Variants in EPHA2 observed in about 807,000 individuals in gnomAD.
The protein encoded by EPHA2 is ephrin type-A receptor 2.
Under a neutral mutation model 104.9 loss-of-function variants are expected in EPHA2, and 54 were observed. The observed-to-expected ratio is 0.51, with a 90% CI of 0.41 to 0.65. EPHA2 has a LOEUF of 0.65. Ranked by LOEUF, EPHA2 falls within the 30% of genes least tolerant of loss-of-function variation. The pLI is 0.00. For missense variants in EPHA2, 1,117 were observed against 1,369.5 expected, an observed-to-expected ratio of 0.82 and a Z score of 2.91; for synonymous variants, 560 against 559.1, an observed-to-expected ratio of 1.00 and a Z score of -0.02.
Position 16,135,024 on chromosome 1 carries a change from C to G in EPHA2, c.1582+12G>C, listed in dbSNP as rs370265725. 32 of 1,611,022 alleles carry G rather than the reference C, an allele frequency of 2.0e-5. No individual in the cohort carries two copies. In the African/African-American group the frequency reaches 4.0e-4, roughly 20 times the overall value. ...CCCTGGCCTGGTCCATGCCCAGGGTCCCCCAACTCACACAGCGTCTGGAAT... is the reference window on the plus strand; with the variant it reads ...CCCTGGCCTGGTCCATGCCCAGGGTGCCCCAACTCACACAGCGTCTGGAAT... On this transcript the variant is annotated intron_variant, in intron 7 of 16. Transcript: ENST00000358432. This position sits in a 1 kb window ranked among gnomAD's most constrained non-coding sequence, Gnocchi z 4.3.
In EPHA2 at chr1:16,130,120, A is replaced by G. The variant is rs1416353894; in HGVS notation, c.2669+106T>C. 4.0e-6 allele frequency: 6 copies of G among 1,490,566 alleles called. No homozygotes were observed. The East Asian group carries it at 1.1e-4, about 28-fold the overall frequency. The allele number at this position is 1,490,566 out of a possible 1,614,324, so 92.3% of individuals were successfully genotyped here. On this transcript the variant is annotated intron_variant, in intron 15 of 16. Transcript: ENST00000358432. This position sits in a 1 kb window ranked among gnomAD's most constrained non-coding sequence, Gnocchi z 4.5. ...GTCCACACATAACCTCTTAGCCCCC[A>G]GCACCCCCCCTACCAGCTTCACCTG...
chr1:16,149,533 T>G (rs2024998572), intron 2 of EPHA2, among the ~76,000 whole-genome samples: 1 of 152,112 alleles, frequency 6.6e-6, no homozygotes. Flanking sequence ...AACGCAGGAG[T>G]GGCATTAAGT....
chr1:16,152,264 C>A (rs568834739), intron 1 of EPHA2, among the ~76,000 whole-genome samples: 1 of 152,270 alleles, frequency 6.6e-6, no homozygotes, highest in South Asian at 2.1e-4. Context: ...GCAGGGATGG[C>A]CTGGTTTGTG....
chr1:16,131,622 G>T lies in EPHA2; in HGVS notation c.2475+99C>A. 6.6e-7 allele frequency: 1 copy of T among 1,519,872 alleles called. No homozygotes were observed. Among genetic ancestry groups the T allele is most frequent in the Non-Finnish European group, 9.0e-7 (1 of 1,106,386 alleles). The allele number at this position is 1,519,872 out of a possible 1,614,324, so 94.1% of individuals were successfully genotyped here. On this transcript the variant is annotated intron_variant, in intron 14 of 16. Coordinates refer to ENST00000358432, the MANE Select transcript of EPHA2 (RefSeq NM_004431.5). This position sits in a 1 kb window ranked among gnomAD's most constrained non-coding sequence, Gnocchi z 5.2. ...ACATTTATGGAGCAAGCCTAAGAAGGTTCATCTAAACTGTCCTCTGCCCAG... is the reference window on the plus strand; with the variant it reads ...ACATTTATGGAGCAAGCCTAAGAAGTTTCATCTAAACTGTCCTCTGCCCAG...
chr1:16,140,952 T>G (rs1285180028), intron 3 of EPHA2, among the ~76,000 whole-genome samples: 1 of 151,854 alleles, frequency 6.6e-6, no homozygotes, highest in African/African-American at 2.4e-5. Context: ...GCTGGTCTCT[T>G]GACCTCCTGG....
At chr1:16,126,133 G>A (rs2024461610) in intron 16 of EPHA2, among the ~76,000 whole-genome samples, 1 of 152,136 alleles carries the variant, frequency 6.6e-6, no homozygotes, top group Non-Finnish European at 1.5e-5. Flanking sequence ...AGTACCAGAT[G>A]GACAGATGTG....
In EPHA2 at chr1:16,148,407, C is replaced by G; in HGVS notation, c.794G>C (p.Gly265Ala). Residue 265 changes from glycine to alanine, a missense_variant, in exon 3 of 17, where the codon GGC becomes GCC. Transcript: ENST00000358432. The surrounding 1 kb of genome is among the most constrained non-coding windows in gnomAD (Gnocchi z 4.9). ...VPIGQCLCQA[G>A]YEKVEDACQA... ...GCAGGCATCCTCCACCTTCTCGTAG[C>G]CTGCCTGGCACAGGCACTGCCCAAT... The G allele has an allele frequency of 1.2e-6, 2 of 1,613,688 alleles. No homozygotes were observed. The highest frequency in any genetic ancestry group is 1.1e-5 in the South Asian group (1 of 91,092).
Position 16,135,282 on chromosome 1 carries a change from G to A in EPHA2, c.1429-93C>T. On this transcript the variant is annotated intron_variant, in intron 6 of 16. Transcript: ENST00000358432. This position sits in a 1 kb window ranked among gnomAD's most constrained non-coding sequence, Gnocchi z 4.3. ...GGAGACCACCCCAAGCTAGCAAGGT[G>A]GCTTGCCTTTGTTAGCAAACTTGAG... 1.9e-6 allele frequency: 3 copies of A among 1,551,370 alleles called. No individual in the cohort carries two copies. The highest frequency in any genetic ancestry group is 1.8e-6 in the Non-Finnish European group (2 of 1,133,088).
At chr1:16,136,666 GAAGAAAAGAAGA>G (rs2024694962) in intron 5 of EPHA2, among the ~76,000 whole-genome samples, 1 of 95,330 alleles carries the variant, frequency 1.0e-5, no homozygotes, top group Non-Finnish European at 1.8e-5. Flanking sequence ...AAGAAGAAAA[GAAGAAAAGAAGA>G]AGAAAGAAGA....
At chr1:16,136,901 C>T (rs1207199017) in intron 5 of EPHA2, among the ~76,000 whole-genome samples, 7 of 151,070 alleles carry the variant, frequency 4.6e-5, no homozygotes, top group African/African-American at 1.5e-4. Context: ...TGGGTTCAAG[C>T]GATTCTCCTG....
In EPHA2 at chr1:16,129,415, G is replaced by A. The variant is rs747151905; in HGVS notation, c.2825+19C>T. 3.4e-5 allele frequency: 54 copies of A among 1,610,798 alleles called. No homozygotes were observed. Among genetic ancestry groups the A allele is most frequent in the Middle Eastern group, 3.3e-4 (2 of 6,068 alleles). ...TGGGAGGCGGGAGGCGAGGGGGGACGGAAAGGGGCCTGACTTACTCGTTGG... is the reference window on the plus strand; with the variant it reads ...TGGGAGGCGGGAGGCGAGGGGGGACAGAAAGGGGCCTGACTTACTCGTTGG... On this transcript the variant is annotated intron_variant, in intron 16 of 16. Transcript: ENST00000358432.
In EPHA2 at chr1:16,129,545, G is replaced by T. The variant is rs952117198; in HGVS notation, c.2714C>A (p.Pro905His). 7 of 1,613,150 alleles carry T rather than the reference G, an allele frequency of 4.3e-6. No homozygotes were observed. The highest frequency in any genetic ancestry group is 5.9e-6 in the Non-Finnish European group (7 of 1,179,942). The change falls in exon 16 of 17, where the codon CCC becomes CAC. Residue 905 changes from proline to histidine, a missense_variant. This residue lies in a region of EPHA2 where 340 missense variants were observed against 480.5 expected (regional missense o/e 0.71). Coordinates refer to ENST00000358432, the MANE Select transcript of EPHA2 (RefSeq NM_004431.5). ...LPSTSGSEGV[P>H]FRTVSEWLES... is the part of the protein sequence containing the mutation. ...CAGCCACTCGGACACCGTGCGGAAG[G>T]GCACCCCCTCCGAGCCGCTCGTGCT...
In EPHA2 at chr1:16,124,711, T is replaced by C. The variant is rs896948419; in HGVS notation, c.*504A>G. 5.0e-5 allele frequency: 8 copies of C among 159,488 alleles called. No homozygotes were observed. Among genetic ancestry groups the C allele is most frequent in the African/African-American group, 1.9e-4 (8 of 41,638 alleles). The allele number at this position is 159,488 out of a possible 1,614,324, so 9.9% of individuals were successfully genotyped here. A position where few individuals can be genotyped will look rare whatever the true frequency, so the allele number is the denominator to read the frequency against. ...AAGCAAGGGTTTGGCCAGTCAGGGA[T>C]GAGGATGGGGCCCGAGGGTCTAAAG... On this transcript the variant is annotated 3_prime_UTR_variant, in exon 17 of 17. Coordinates refer to ENST00000358432, the MANE Select transcript of EPHA2 (RefSeq NM_004431.5).
At chr1:16,136,476 G>A (rs1234256077) in intron 5 of EPHA2, among the ~76,000 whole-genome samples, 1 of 150,968 alleles carries the variant, frequency 6.6e-6, no homozygotes, top group African/African-American at 2.4e-5. Flanking sequence ...AAAATTAGCT[G>A]GGCATGGTGG....
Position 16,134,062 on chromosome 1 carries a change from C to G in EPHA2, c.1683-147G>C, listed in dbSNP as rs2024633236. 1 of 796,224 alleles carries G rather than the reference C, an allele frequency of 1.3e-6. No individual in the cohort carries two copies. Among genetic ancestry groups the G allele is most frequent in the Non-Finnish European group, 2.0e-6 (1 of 510,360 alleles). 49.3% of individuals were successfully genotyped at this position (796,224 alleles called of 1,614,324 possible). A position where few individuals can be genotyped will look rare whatever the true frequency, so the allele number is the denominator to read the frequency against. ...CCCCGCTTTTGCTGCCCAAGCTCCA[C>G]TCTCAGGGCCGAGGGTGCGGAGAAG... On this transcript the variant is annotated intron_variant, in intron 8 of 16. Transcript: ENST00000358432. The surrounding 1 kb of genome is among the most constrained non-coding windows in gnomAD (Gnocchi z 4.5).
At chr1:16,126,309 C>G (rs2024465980) in intron 16 of EPHA2, among the ~76,000 whole-genome samples, 1 of 152,212 alleles carries the variant, frequency 6.6e-6, no homozygotes, top group African/African-American at 2.4e-5. Context: ...CCGTCCTCAC[C>G]CACTAGCCCA....
Position 16,125,373 on chromosome 1 carries a change from GCCGGGCT to G in EPHA2, c.2826-60_2826-54del. On this transcript the variant is annotated intron_variant, in intron 16 of 16. Coordinates refer to ENST00000358432, the MANE Select transcript of EPHA2 (RefSeq NM_004431.5). This position sits in a 1 kb window ranked among gnomAD's most constrained non-coding sequence, Gnocchi z 4.9. ...GTTAGGGGCTGGAGCAGGGGAGGGGGCCGGGCTGGGTGGGGACAGGACTCGGTGGGCG... is the reference window on the plus strand; with the variant it reads ...GTTAGGGGCTGGAGCAGGGGAGGGGGGGGTGGGGACAGGACTCGGTGGGCG... 24 of 983,414 alleles carry G rather than the reference GCCGGGCT, an allele frequency of 2.4e-5. No homozygotes were observed. Among genetic ancestry groups the G allele is most frequent in the Admixed American group, 7.1e-5 (3 of 42,388 alleles). The allele number at this position is 983,414 out of a possible 1,614,324, so 60.9% of individuals were successfully genotyped here.
At position 16,156,042 on chromosome 1, in the gene EPHA2, T is replaced by TCTGCCCCTC. The variant is rs1164313549; in HGVS notation, c.-119_-111dup. 1.9e-5 allele frequency: 17 copies of TCTGCCCCTC among 908,724 alleles called. No individual in the cohort carries two copies. The African/African-American group carries it at 3.0e-4, about 16-fold the overall frequency. 56.3% of individuals were successfully genotyped at this position (908,724 alleles called of 1,614,324 possible). ...CCCGCCCGCCGGCCTGCGCGCAACT[T>TCTGCCCCTC]CTGCCCCTCCTGCCCCGAGTCCTTA... On this transcript the variant is annotated 5_prime_UTR_variant, in exon 1 of 17. Coordinates refer to ENST00000358432, the MANE Select transcript of EPHA2 (RefSeq NM_004431.5).
Position 16,138,308 on chromosome 1 carries a change from C to G in EPHA2, c.946G>C (p.Ala316Pro). 1 of 1,613,626 alleles carries G rather than the reference C, an allele frequency of 6.2e-7. No homozygotes were observed. Among genetic ancestry groups the G allele is most frequent in the Non-Finnish European group, 8.5e-7 (1 of 1,179,898 alleles). ...GGCATCGACGCTGGGTCCTGAGGTG[C>G]CCGGAAGAAGCCTTCCTCACACTCG... Reference protein sequence around the residue: ...SCECEEGFFRAPQDPASMPCT... With the variant: ...SCECEEGFFRPPQDPASMPCT... Residue 316 changes from alanine to proline, a missense_variant, in exon 4 of 17, where the codon GCA (alanine) becomes CCA (proline). Ala to Pro is a conservative substitution (Grantham distance 27). Transcript: ENST00000358432.
Sources: allele counts gnomAD v4.1 joint callset (sites outside exome capture counted in the v4.1 genomes callset), GRCh38; gene constraint gnomAD v4.1.1; regional missense constraint gnomAD v4.1.1; non-coding constraint Gnocchi (gnomAD v3.1); transcripts MANE v1.5; gene names NCBI Gene and HGNC (gene_info 2026-07-23, HGNC 2026-07-21).